Variants in LSM2 observed in about 807,000 individuals in gnomAD.
LSM2 encodes the protein LSM2 homolog, U6 small nuclear RNA and mRNA degradation associated.
LSM2 carries 12 observed loss-of-function variants against 17.0 expected under a neutral mutation model. That is an observed-to-expected ratio of 0.70 (90% CI 0.45 to 1.14). The LOEUF (loss-of-function observed/expected upper bound fraction) is 1.14. Among genes scored for constraint, LSM2 ranks in the 50% most tolerant of loss-of-function variants. The pLI is 0.00. For missense variants in LSM2, 62 were observed against 111.8 expected, an observed-to-expected ratio of 0.55 and a Z score of 2.01; for synonymous variants, 42 against 44.5, an observed-to-expected ratio of 0.94 and a Z score of 0.22.
At chr6:31,804,359 CAAA>C (rs1169315674) in intron 2 of LSM2, among the ~76,000 whole-genome samples, 9 of 84,446 alleles carry the variant, frequency 1.1e-4, no homozygotes, top group African/African-American at 8.9e-5. Flanking sequence ...AACTCCATCT[CAAA>C]AAAAAAAAAA....
At chr6:31,801,429 G>T (rs950819469) in intron 2 of LSM2, among the ~76,000 whole-genome samples, 2 of 152,154 alleles carry the variant, frequency 1.3e-5, no homozygotes, top group African/African-American at 4.8e-5. Context: ...GTACAAAGTG[G>T]TGTCATTTTA....
At chr6:31,804,248 CT>C (rs1329784641) in intron 2 of LSM2, among the ~76,000 whole-genome samples, 4 of 151,470 alleles carry the variant, frequency 2.6e-5, no homozygotes, top group Admixed American at 6.6e-5. Context: ...GTAATCACAG[CT>C]ACTAGGGAGG....
chr6:31,806,892 A>C lies in LSM2; in HGVS notation c.-135T>G. ...CAGGCGCAGCGGGAAGCGACGCAGAAAGCTCCAAGCGCTGACGGGCAAAGC... is the reference window on the plus strand; with the variant it reads ...CAGGCGCAGCGGGAAGCGACGCAGACAGCTCCAAGCGCTGACGGGCAAAGC... On this transcript the variant is annotated 5_prime_UTR_variant, in exon 1 of 5. Transcript: ENST00000375661. 8 of 1,218,848 alleles carry C rather than the reference A, an allele frequency of 6.6e-6. No individual in the cohort carries two copies. Among genetic ancestry groups the C allele is most frequent in the Non-Finnish European group, 8.9e-6 (8 of 894,958 alleles). The allele number at this position is 1,218,848 out of a possible 1,614,324, so 75.5% of individuals were successfully genotyped here. A position where few individuals can be genotyped will look rare whatever the true frequency, so the allele number is the denominator to read the frequency against.
intron 1 of LSM2, 63 bp downstream of exon 1, chr6:31,806,692 G>A (rs984488318): frequency 1.9e-6 from 3 of 1,593,422 alleles, no homozygotes; most frequent in African/African-American, 2.7e-5. Context: ...ACAAAGGCCA[G>A]ATCCCCCGCC....
At chr6:31,805,118 A>G (rs1581684118) in intron 2 of LSM2, among the ~76,000 whole-genome samples, 1 of 151,434 alleles carries the variant, frequency 6.6e-6, no homozygotes. Context: ...AGGCTGGAGT[A>G]AAGTGATACA....
rs769755970 is a variant in LSM2, at chr6:31,798,020, A to G, written c.132T>C (p.Ser44=). The G allele has an allele frequency of 1.2e-6, 2 of 1,604,298 alleles. No individual in the cohort carries two copies. The highest frequency in any genetic ancestry group is 3.5e-5 in the Admixed American group (2 of 57,834). Residue 44 remains serine, a synonymous_variant, in exon 4 of 5, where the codon AGT becomes AGC. Coordinates refer to ENST00000375661, the MANE Select transcript of LSM2 (RefSeq NM_021177.5). ...GAGGGTATTTCTCAGGGTCTGTGACACTGATGTCAGTTAGTTTGATGTTGA... is the reference window on the plus strand; with the variant it reads ...GAGGGTATTTCTCAGGGTCTGTGACGCTGATGTCAGTTAGTTTGATGTTGA... ...QYLNIKLTDI[S]VTDPEKYPHM... is the part of the protein sequence containing the mutation.
intron 2 of LSM2, among the ~76,000 whole-genome samples, chr6:31,802,484 A>G (rs959109828): frequency 6.6e-6 from 1 of 151,722 alleles, no homozygotes; most frequent in Admixed American, 6.6e-5. Flanking sequence ...AATCCCAGCT[A>G]CTCGGGAGGC....
At chr6:31,801,170 C>CAAAAA (rs9281582) in intron 2 of LSM2, among the ~76,000 whole-genome samples, 1 of 53,306 alleles carries the variant, frequency 1.9e-5, no homozygotes, top group African/African-American at 6.3e-5. Flanking sequence ...GGATCTGTCT[C>CAAAAA]AAAAAAAAAA....
chr6:31,799,654 CTTT>C (rs34573382), intron 2 of LSM2, among the ~76,000 whole-genome samples: 2 of 136,458 alleles, frequency 1.5e-5, no homozygotes. Flanking sequence ...CCATTCCCGA[CTTT>C]TTTTTTTTTT....
At chr6:31,805,467 C>T (rs572672372) in intron 2 of LSM2, among the ~76,000 whole-genome samples, 61 of 151,234 alleles carry the variant, frequency 4.0e-4, no homozygotes, top group Non-Finnish European at 7.2e-4. Context: ...CAGGTTCAAG[C>T]GATTCTCCTG....
chr6:31,797,486 TCCTA>T lies in LSM2; in HGVS notation c.*267_*270del. On this transcript the variant is annotated 3_prime_UTR_variant, in exon 5 of 5. Coordinates refer to ENST00000375661, the MANE Select transcript of LSM2 (RefSeq NM_021177.5). ...TGCCCTGGAAAGACCTAGGAAACTC[TCCTA>T]CCATCTCCAGAGAAGTAGTGAGAAA... 1 of 472,636 alleles carries T rather than the reference TCCTA, an allele frequency of 2.1e-6. No individual in the cohort carries two copies. The highest frequency in any genetic ancestry group is 5.6e-4 in the Middle Eastern group (1 of 1,796). The allele number at this position is 472,636 out of a possible 1,614,324, so 29.3% of individuals were successfully genotyped here. A position where few individuals can be genotyped will look rare whatever the true frequency, so the allele number is the denominator to read the frequency against.
rs1220519464 is a variant in LSM2, at chr6:31,806,680, G to A, written c.3+75C>T. 8.3e-6 allele frequency: 13 copies of A among 1,573,958 alleles called. No homozygotes were observed. The Admixed American group carries it at 1.8e-4, about 22-fold the overall frequency. On this transcript the variant is annotated intron_variant, in intron 1 of 4. Transcript: ENST00000375661. ...CTCCGGACCTAACTCCAGCCTAGGG[G>A]TACAAAGGCCAGATCCCCCGCCCCA...
At chr6:31,804,921 C>G in intron 2 of LSM2, among the ~76,000 whole-genome samples, 1 of 151,852 alleles carries the variant, frequency 6.6e-6, no homozygotes, top group Non-Finnish European at 1.5e-5. Flanking sequence ...AGCATGCCAC[C>G]ACGCCTGGCT....
chr6:31,802,928 T>C (rs907904884), intron 2 of LSM2: 1 of 151,164 alleles, frequency 6.6e-6, no homozygotes, highest in African/African-American at 2.4e-5. Flanking sequence ...CAAAATAAAA[T>C]AAAAAAAATA....
intron 2 of LSM2, among the ~76,000 whole-genome samples, chr6:31,802,684 G>A (rs577663913): frequency 2.0e-5 from 3 of 152,202 alleles, no homozygotes; most frequent in Non-Finnish European, 4.4e-5. Context: ...AGGCTGGGGT[G>A]GGCAGATCAC....
At chr6:31,802,092 G>C (rs548899318) in intron 2 of LSM2, among the ~76,000 whole-genome samples, 72 of 151,790 alleles carry the variant, frequency 4.7e-4, no homozygotes, top group African/African-American at 1.5e-3. Flanking sequence ...CCAGCCTGAC[G>C]AAGATGGTGA....
rs557716739 is a variant in LSM2 at position 31,806,802 on chromosome 6, G to T, written c.-45C>A. 6.9e-6 allele frequency: 11 copies of T among 1,600,674 alleles called. No homozygotes were observed. The highest frequency in any genetic ancestry group is 1.3e-5 in the African/African-American group (1 of 74,506). On this transcript the variant is annotated 5_prime_UTR_variant, in exon 1 of 5. Transcript: ENST00000375661. ...GCGGGCCGGACCGGGAAGACAGCAG[G>T]GTGCTGCGAGCAGGTCTGGGGAAAC...
Position 31,806,812 on chromosome 6 carries a change from G to C in LSM2, c.-55C>G. ...CCGGGAAGACAGCAGGGTGCTGCGA[G>C]CAGGTCTGGGGAAACCGAAGCGCGA... On this transcript the variant is annotated 5_prime_UTR_variant, in exon 1 of 5. Coordinates refer to ENST00000375661, the MANE Select transcript of LSM2 (RefSeq NM_021177.5). 1.9e-6 allele frequency: 3 copies of C among 1,592,980 alleles called. No homozygotes were observed. Among genetic ancestry groups the C allele is most frequent in the East Asian group, 4.5e-5 (2 of 44,314 alleles).
chr6:31,805,825 C>G (rs1185049809), intron 2 of LSM2, among the ~76,000 whole-genome samples: 2 of 152,126 alleles, frequency 1.3e-5, no homozygotes, highest in African/African-American at 4.8e-5. Context: ...GGGTCTTGCT[C>G]TATTGCCTGG....
Sources: gnomAD v4.1 joint callset for allele counts (sites outside exome capture counted in the v4.1 genomes callset) on GRCh38, gnomAD v4.1.1 for gene constraint, MANE v1.5 for transcripts, NCBI Gene and HGNC (gene_info 2026-07-23, HGNC 2026-07-21) for gene names.